Variants in MITF observed in about 807,000 individuals in gnomAD.
MITF encodes the protein microphthalmia-associated transcription factor.
MITF carries 17 observed loss-of-function variants against 60.5 expected under a neutral mutation model. The observed-to-expected ratio is 0.28, with a 90% CI of 0.19 to 0.42. The LOEUF is 0.42. Among genes scored for constraint, MITF ranks in the 10% least tolerant of loss-of-function variants. The probability of loss-of-function intolerance (pLI) is 1.00; values close to 1 mark genes in which losing one functional copy is unlikely to be tolerated. For missense variants in MITF, 622 were observed against 683.5 expected (o/e 0.91, Z 1.00); for synonymous variants, 260 against 248.5 (o/e 1.05, Z -0.43).
chr3:69,835,662 A>T (rs1357825490), intron 1 of MITF, among the ~76,000 whole-genome samples: 1 of 152,146 alleles, frequency 6.6e-6, no homozygotes, highest in Non-Finnish European at 1.5e-5. Flanking sequence ...ATATGGTGAG[A>T]GGTAGGGGCC....
intron 1 of MITF, among the ~76,000 whole-genome samples, chr3:69,804,474 C>A (rs1320306209): frequency 6.6e-6 from 1 of 152,154 alleles, no homozygotes; most frequent in African/African-American, 2.4e-5. Flanking sequence ...TAACACTTAA[C>A]CTTTTCTCTC....
In MITF at chr3:69,833,481, G is replaced by A. The variant is rs182652566; in HGVS notation, c.105-45653G>A. Among the ~76,000 whole-genome samples the A allele has an allele frequency of 2.6e-3, 395 of 152,220 alleles. 2 individuals carry two copies. The highest frequency in any genetic ancestry group is 0.014 in the Middle Eastern group (4 of 292). ...ATGTGATTGTTTTTCTATGTACACT[G>A]TATGTGGTTCCTTCCCCGTTTACAC... On this transcript the variant is annotated intron_variant, in intron 1 of 9. Coordinates refer to ENST00000352241, the MANE Select transcript of MITF (RefSeq NM_001354604.2).
intron 1 of MITF, among the ~76,000 whole-genome samples, chr3:69,777,576 G>C (rs941892546): frequency 6.6e-6 from 1 of 152,188 alleles, no homozygotes; most frequent in African/African-American, 2.4e-5. Context: ...GTGGGAGCTT[G>C]CACTGAGAAG....
chr3:69,959,933 A>G (rs2066499067), intron 9 of MITF, among the ~76,000 whole-genome samples: 1 of 152,214 alleles, frequency 6.6e-6, no homozygotes, highest in South Asian at 2.1e-4. Flanking sequence ...CTACAGTGCT[A>G]TTGGCTGTGA....
intron 2 of MITF, among the ~76,000 whole-genome samples, chr3:69,902,873 G>GAA (rs60852386): frequency 2.7e-5 from 4 of 148,884 alleles, no homozygotes; most frequent in African/African-American, 9.8e-5. Flanking sequence ...GTAAAATGCA[G>GAA]AAAAAAAAAC....
intron 1 of MITF, among the ~76,000 whole-genome samples, chr3:69,758,490 G>C (rs1252661851): frequency 1.3e-5 from 2 of 152,138 alleles, no homozygotes; most frequent in Non-Finnish European, 2.9e-5. Flanking sequence ...ATTTTAACTG[G>C]TGTTCACTGA....
intron 1 of MITF, among the ~76,000 whole-genome samples, chr3:69,849,279 T>G (rs2063787061): frequency 6.6e-6 from 1 of 152,174 alleles, no homozygotes; most frequent in African/African-American, 2.4e-5. Flanking sequence ...AAGATTCTTC[T>G]ACAGTACCTC....
At chr3:69,782,249 T>G (rs1389970015) in intron 1 of MITF, among the ~76,000 whole-genome samples, 2 of 152,236 alleles carry the variant, frequency 1.3e-5, no homozygotes, top group Non-Finnish European at 2.9e-5. Flanking sequence ...TTGAATTACT[T>G]GTTTGGCCCC....
chr3:69,965,020 G>T lies in MITF; in HGVS notation c.1353G>T (p.Thr451=), dbSNP rs774944729. The T allele has an allele frequency of 1.2e-6, 2 of 1,614,020 alleles. No individual in the cohort carries two copies. Among genetic ancestry groups the T allele is most frequent in the East Asian group, 4.5e-5 (2 of 44,860 alleles). The change falls in exon 10 of 10, where the codon ACG becomes ACT. Residue 451 remains threonine (T), a synonymous_variant. Coordinates refer to ENST00000352241, the MANE Select transcript of MITF (RefSeq NM_001354604.2). ...CCTGTACAACAACTCTCGATCTCAC[G>T]GATGGCACCATCACCTTCAACAACA... ...DLTCTTTLDL[T]DGTITFNNNL...
intron 1 of MITF, among the ~76,000 whole-genome samples, chr3:69,833,639 A>ATTTACACTGTATGTGGTTGTTTCCCTG (rs1292935550): frequency 6.7e-6 from 1 of 149,610 alleles, no homozygotes; most frequent in African/African-American, 2.5e-5. Flanking sequence ...TTGTTTTTCT[A>ATTTACACTGTATGTGGTTGTTTCCCTG]TTTACACTGT....
chr3:69,922,282 C>T (rs530602102), intron 2 of MITF, among the ~76,000 whole-genome samples: 2 of 152,174 alleles, frequency 1.3e-5, no homozygotes, highest in South Asian at 4.2e-4. Flanking sequence ...AGTGCGGTGG[C>T]ACAATCTCAG....
At chr3:69,949,669 G>T (rs1280279889) in intron 6 of MITF, among the ~76,000 whole-genome samples, 1 of 152,170 alleles carries the variant, frequency 6.6e-6, no homozygotes, top group Non-Finnish European at 1.5e-5. Flanking sequence ...GTGTGCAAAA[G>T]ATTTATTACA....
chr3:69,847,908 C>A (rs1363571699), intron 1 of MITF, among the ~76,000 whole-genome samples: 3 of 152,236 alleles, frequency 2.0e-5, no homozygotes, highest in African/African-American at 7.2e-5. Flanking sequence ...TGTTCCCAAT[C>A]CCACATGCTT....
At chr3:69,909,194 C>G (rs774858329) in intron 2 of MITF, among the ~76,000 whole-genome samples, 2 of 152,078 alleles carry the variant, frequency 1.3e-5, no homozygotes, top group Admixed American at 1.3e-4. Flanking sequence ...ATAAGTCTCA[C>G]GAGATCTGAT....
chr3:69,811,883 C>T (rs1273660699), intron 1 of MITF, among the ~76,000 whole-genome samples: 1 of 152,168 alleles, frequency 6.6e-6, no homozygotes, highest in Non-Finnish European at 1.5e-5. Context: ...CTCGATGGCC[C>T]ATGAGACAGA....
chr3:69,904,063 A>G (rs971983417), intron 2 of MITF, among the ~76,000 whole-genome samples: 4 of 152,174 alleles, frequency 2.6e-5, no homozygotes, highest in Admixed American at 2.0e-4. Context: ...AATTCTGAAT[A>G]AACACGTCTA....
chr3:69,866,399 T>C, intron 1 of MITF: 2 of 1,604,772 alleles, frequency 1.2e-6, no homozygotes. Flanking sequence ...AGAGGAGCAG[T>C]TTTTTTTCTC....
chr3:69,784,488 T>C (rs77008407), intron 1 of MITF, among the ~76,000 whole-genome samples: 1 of 152,150 alleles, frequency 6.6e-6, no homozygotes, highest in Non-Finnish European at 1.5e-5. Flanking sequence ...AGTTTTAGTG[T>C]CAAAGATTTT....
chr3:69,886,403 A>T (rs1016887228), intron 2 of MITF, among the ~76,000 whole-genome samples: 1 of 152,084 alleles, frequency 6.6e-6, no homozygotes, highest in East Asian at 1.9e-4. Flanking sequence ...TTAGGAAACA[A>T]GTAGGATAAG....
Sources: allele counts gnomAD v4.1 joint callset (sites outside exome capture counted in the v4.1 genomes callset), GRCh38; gene constraint gnomAD v4.1.1; transcripts MANE v1.5; gene names NCBI Gene and HGNC (gene_info 2026-07-23, HGNC 2026-07-21).